The following ALPK2 variants were observed in gnomAD, a reference collection of about 807,000 sequenced individuals.
The protein encoded by ALPK2 is alpha-protein kinase 2.
In ALPK2, 127 loss-of-function variants were observed where a neutral mutation model predicts 163.1. The ratio of observed to expected loss-of-function variants is 0.78; its 90% CI spans 0.67 to 0.90. ALPK2 has a LOEUF of 0.90. Ranked by LOEUF, ALPK2 falls within the 40% of genes least tolerant of loss-of-function variation. The pLI is 0.00. For synonymous variants in ALPK2, 953 were observed against 959.1 expected (o/e 0.99, Z 0.12); for missense variants, 2,360 against 2,589.6 (o/e 0.91, Z 1.92).
At chr18:58,495,806 G>A (rs546026827) in intron 12 of ALPK2, among the ~76,000 whole-genome samples, 2 of 151,896 alleles carry the variant, frequency 1.3e-5, no homozygotes, top group East Asian at 1.9e-4. Context: ...ATTAACTGGG[G>A]GAATACTCAG....
intron 5 of ALPK2, among the ~76,000 whole-genome samples, chr18:58,530,742 CTA>C (rs1043380897): frequency 1.3e-5 from 2 of 152,150 alleles, no homozygotes; most frequent in Non-Finnish European, 2.9e-5. Flanking sequence ...GGACCCCTGA[CTA>C]TGTGAGACAG....
intron 10 of ALPK2, among the ~76,000 whole-genome samples, chr18:58,506,363 TA>T (rs373086475): frequency 3.7e-3 from 499 of 133,518 alleles, no homozygotes; most frequent in East Asian, 0.01. Flanking sequence ...CCCATGAATC[TA>T]AAAAAAAAAA....
intron 8 of ALPK2, among the ~76,000 whole-genome samples, chr18:58,519,983 G>C (rs1356449544): frequency 6.6e-6 from 1 of 152,208 alleles, no homozygotes; most frequent in Non-Finnish European, 1.5e-5. Context: ...GAGCACCTGA[G>C]GGGAGGCTTA....
chr18:58,551,250 G>C (rs1237294791), intron 4 of ALPK2, among the ~76,000 whole-genome samples: 1 of 152,136 alleles, frequency 6.6e-6, no homozygotes, highest in African/African-American at 2.4e-5. Context: ...AGTTCTGGAG[G>C]CCAGAAGTGT....
Position 58,537,867 on chromosome 18 carries a change from C to G in ALPK2, c.2320G>C (p.Val774Leu), listed in dbSNP as rs1359372469. Residue 774 changes from valine to leucine, a missense_variant, in exon 5 of 13, where the codon GTC becomes CTC. Val to Leu is a conservative substitution (Grantham distance 32). Transcript: ENST00000361673. ...GTGGGTTCAGGGGAAGCAACAGAGA[C>G]AGCCACAGGCTCCCTGAAGTCAGCA... is the stretch of plus-strand genomic sequence containing the variant. ...ARADFREPVA[V>L]SVASPEPTDT... 4 of 1,614,074 alleles carry G rather than the reference C, an allele frequency of 2.5e-6. No homozygotes were observed. Among genetic ancestry groups the G allele is most frequent in the African/African-American group, 1.3e-5 (1 of 74,922 alleles).
intron 3 of ALPK2, among the ~76,000 whole-genome samples, chr18:58,590,307 T>C (rs1160439545): frequency 6.6e-6 from 1 of 152,140 alleles, no homozygotes; most frequent in Non-Finnish European, 1.5e-5. Context: ...GCATTCCATT[T>C]TATTATGCAT....
intron 3 of ALPK2, among the ~76,000 whole-genome samples, chr18:58,592,517 T>C (rs1326727253): frequency 2.0e-5 from 3 of 151,960 alleles, no homozygotes; most frequent in Admixed American, 2.0e-4. Context: ...GATCAGGTCA[T>C]GTGTAAGGGA....
intron 4 of ALPK2, among the ~76,000 whole-genome samples, chr18:58,542,245 A>G (rs1428748171): frequency 6.6e-6 from 1 of 152,222 alleles, no homozygotes; most frequent in Middle Eastern, 3.2e-3. Context: ...CTCTAAGACT[A>G]ACCACATGCA....
In ALPK2 at chr18:58,575,230, A is replaced by G. The variant is rs149686387; in HGVS notation, c.1962+3584T>C. ...TCAAAAAAAAAAAAAGAAGAAGAAG[A>G]AAGAAAATCACACCTAACTATACTT... On this transcript the variant is annotated intron_variant, in intron 4 of 12. Transcript: ENST00000361673. Among the ~76,000 whole-genome samples the G allele has an allele frequency of 9.9e-5, 15 of 152,062 alleles. 1 individual carries two copies. The East Asian group carries it at 2.7e-3, about 27-fold the overall frequency.
intron 4 of ALPK2, among the ~76,000 whole-genome samples, chr18:58,546,306 A>G (rs1411786050): frequency 6.6e-6 from 1 of 152,108 alleles, no homozygotes; most frequent in Non-Finnish European, 1.5e-5. Context: ...AGAGTCATAG[A>G]GTTTGTAAAA....
At chr18:58,601,329 G>A (rs2052068636) in intron 3 of ALPK2, among the ~76,000 whole-genome samples, 2 of 152,206 alleles carry the variant, frequency 1.3e-5, no homozygotes, top group South Asian at 4.1e-4. Flanking sequence ...AAAGATACAT[G>A]CAAATAGATG....
intron 4 of ALPK2, among the ~76,000 whole-genome samples, chr18:58,571,974 T>G (rs2051888228): frequency 4.3e-5 from 1 of 23,484 alleles, no homozygotes; most frequent in East Asian, 1.4e-3. Flanking sequence ...AGACTCCATC[T>G]CAAAAAAAAA....
At chr18:58,522,044 GT>G (rs932551720) in intron 8 of ALPK2, among the ~76,000 whole-genome samples, 93 of 152,266 alleles carry the variant, frequency 6.1e-4, no homozygotes, top group African/African-American at 2.2e-3. Flanking sequence ...CGTTCTGTTT[GT>G]TTTAAAACTC....
intron 10 of ALPK2, among the ~76,000 whole-genome samples, chr18:58,513,969 T>G (rs1007181376): frequency 6.6e-6 from 1 of 152,194 alleles, no homozygotes; most frequent in Non-Finnish European, 1.5e-5. Context: ...GGCACTGTGG[T>G]TCTGTGTGTG....
At chr18:58,502,161 C>T (rs2051435093) in intron 11 of ALPK2, among the ~76,000 whole-genome samples, 1 of 145,160 alleles carries the variant, frequency 6.9e-6, no homozygotes, top group Admixed American at 7.1e-5. Flanking sequence ...CACACACACA[C>T]ACACACACAC....
intron 12 of ALPK2, among the ~76,000 whole-genome samples, chr18:58,484,376 T>C (rs939357080): frequency 1.3e-5 from 2 of 152,124 alleles, no homozygotes; most frequent in African/African-American, 4.8e-5. Flanking sequence ...AAGACAGATA[T>C]CAAGTCATTA....
intron 10 of ALPK2, among the ~76,000 whole-genome samples, chr18:58,507,454 T>TG: frequency 6.6e-6 from 1 of 152,316 alleles, no homozygotes; most frequent in Non-Finnish European, 1.5e-5. Context: ...GGAAAAGTTG[T>TG]GGGGGTAGCA....
chr18:58,620,602 A>G (rs1374533091), intron 1 of ALPK2, among the ~76,000 whole-genome samples: 1 of 152,224 alleles, frequency 6.6e-6, no homozygotes, highest in Admixed American at 6.5e-5. Context: ...ATGATTGCCC[A>G]ACCTAGTACA....
chr18:58,599,285 A>T (rs1052941099), intron 3 of ALPK2, among the ~76,000 whole-genome samples: 1 of 152,134 alleles, frequency 6.6e-6, no homozygotes, highest in Non-Finnish European at 1.5e-5. Context: ...GACCCTCGGA[A>T]CTCATTCAAG....
Sources: allele counts gnomAD v4.1 joint callset (sites outside exome capture counted in the v4.1 genomes callset), GRCh38; gene constraint gnomAD v4.1.1; transcripts MANE v1.5; gene names NCBI Gene and HGNC (gene_info 2026-07-23, HGNC 2026-07-21).